Variants in CCDC85A observed in about 807,000 individuals in gnomAD.
CCDC85A encodes coiled-coil domain-containing protein 85A.
CCDC85A carries 38 observed loss-of-function variants against 50.2 expected under a neutral mutation model. The observed-to-expected ratio is 0.76, with a 90% CI of 0.58 to 0.99. The LOEUF (loss-of-function observed/expected upper bound fraction) is 0.99, where lower values mean the gene tolerates loss of function less well. Ranked by LOEUF, CCDC85A falls within the 50% of genes least tolerant of loss-of-function variation. CCDC85A has a pLI of 0.00. For missense variants in CCDC85A, 820 were observed against 742.0 expected, an observed-to-expected ratio of 1.11 and a Z score of -1.22; for synonymous variants, 366 against 301.4, an observed-to-expected ratio of 1.21 and a Z score of -2.22.
At chr2:56,288,731 AT>A (rs1558624578) in intron 2 of CCDC85A, among the ~76,000 whole-genome samples, 1 of 152,020 alleles carries the variant, frequency 6.6e-6, no homozygotes, top group Admixed American at 6.6e-5. Context: ...TTAAATCAAT[AT>A]TTTTTAAAAA....
At chr2:56,207,568 CT>C (rs1290604741) in intron 2 of CCDC85A, among the ~76,000 whole-genome samples, 15 of 152,178 alleles carry the variant, frequency 9.9e-5, no homozygotes, top group Non-Finnish European at 1.6e-4. Flanking sequence ...CTGATTTCAG[CT>C]GCAATTATAG....
rs1383326377 is a variant in CCDC85A, at chr2:56,385,736, A to G, written c.*1381A>G. The G allele has an allele frequency of 6.6e-6, 1 of 151,768 alleles. No homozygotes were observed. 9.4% of individuals were successfully genotyped at this position (151,768 alleles called of 1,614,324 possible). A position where few individuals can be genotyped will look rare whatever the true frequency, so the allele number is the denominator to read the frequency against. On this transcript the variant is annotated 3_prime_UTR_variant, in exon 6 of 6. Transcript: ENST00000407595. Reference sequence around the variant, plus strand: ...GTCACTAGTAGGAGACTGTGAAGGAATTTTGTTATACTTTCAAAAATGTTA... The same window carrying G: ...GTCACTAGTAGGAGACTGTGAAGGAGTTTTGTTATACTTTCAAAAATGTTA...
At chr2:56,185,339 G>C (rs1014834328) in intron 1 of CCDC85A, among the ~76,000 whole-genome samples, 2 of 152,182 alleles carry the variant, frequency 1.3e-5, no homozygotes, top group African/African-American at 4.8e-5. Context: ...GGCGGGCAGA[G>C]GGCGAGGAAA....
At chr2:56,316,532 T>C (rs1413746308) in intron 2 of CCDC85A, among the ~76,000 whole-genome samples, 1 of 152,168 alleles carries the variant, frequency 6.6e-6, no homozygotes, top group East Asian at 1.9e-4. Context: ...TCAATTCTTT[T>C]GAAGCCATTG....
At chr2:56,205,633 A>T (rs1676928074) in intron 2 of CCDC85A, among the ~76,000 whole-genome samples, 1 of 152,318 alleles carries the variant, frequency 6.6e-6, no homozygotes, top group Middle Eastern at 3.4e-3. Context: ...AGACTCATGG[A>T]TGTGAGTAGT....
chr2:56,270,721 A>C (rs754979443), intron 2 of CCDC85A, among the ~76,000 whole-genome samples: 1 of 152,162 alleles, frequency 6.6e-6, no homozygotes, highest in Admixed American at 6.5e-5. Flanking sequence ...TTGCGTGTGC[A>C]GTTGAAGGCT....
intron 2 of CCDC85A, among the ~76,000 whole-genome samples, chr2:56,294,131 A>C (rs1315747941): frequency 6.6e-6 from 1 of 152,200 alleles, no homozygotes; most frequent in Non-Finnish European, 1.5e-5. Context: ...GATCATGTCC[A>C]TTGCAGGGAC....
chr2:56,205,649 G>C (rs764231675), intron 2 of CCDC85A, among the ~76,000 whole-genome samples: 1 of 152,176 alleles, frequency 6.6e-6, no homozygotes. Context: ...GTAGTAGTAG[G>C]AAACCAAATT....
chr2:56,192,813 C>CGG lies in CCDC85A; in HGVS notation c.615_616dup (p.Asp206GlyfsTer106). The CGG allele has an allele frequency of 6.2e-7, 1 of 1,613,356 alleles. No homozygotes were observed. The highest frequency in any genetic ancestry group is 1.6e-4 in the Middle Eastern group (1 of 6,062). ...CACAGCCTCCACCGCACCCTACGTG[C>CGG]GGGATGTGGGTGACGGCAGCAGCAC... is the stretch of plus-strand genomic sequence containing the variant. On this transcript the variant is annotated frameshift_variant, in exon 2 of 6. Coordinates refer to ENST00000407595, the MANE Select transcript of CCDC85A (RefSeq NM_001080433.2). LOFTEE classifies it high-confidence loss of function. This position sits in a 1 kb window ranked among gnomAD's most constrained non-coding sequence, Gnocchi z 4.7.
chr2:56,278,595 A>G lies in CCDC85A; in HGVS notation c.1241-64284A>G, dbSNP rs1490329331. Among the ~76,000 whole-genome samples the G allele has an allele frequency of 1.3e-5, 2 of 151,882 alleles. 1 individual carries two copies. The highest frequency in any genetic ancestry group is 4.1e-4 in the South Asian group (2 of 4,824). On this transcript the variant is annotated intron_variant, in intron 2 of 5. Coordinates refer to ENST00000407595, the MANE Select transcript of CCDC85A (RefSeq NM_001080433.2). ...TTTTATTATTATTATTTTTTTGGAG[A>G]TGGAGTCTCTCTCTGTTGCCCAGGC...
At chr2:56,187,542 G>A (rs376389271) in intron 1 of CCDC85A, among the ~76,000 whole-genome samples, 17 of 152,174 alleles carry the variant, frequency 1.1e-4, no homozygotes, top group African/African-American at 3.6e-4. Flanking sequence ...TTGGCCAATT[G>A]TTAAACTCTC....
chr2:56,309,177 G>C (rs1672579543), intron 2 of CCDC85A, among the ~76,000 whole-genome samples: 1 of 152,174 alleles, frequency 6.6e-6, no homozygotes, highest in Admixed American at 6.6e-5. Context: ...CATCTATAGA[G>C]TAAAATTTCA....
At chr2:56,276,184 A>C (rs943938072) in intron 2 of CCDC85A, among the ~76,000 whole-genome samples, 1 of 152,118 alleles carries the variant, frequency 6.6e-6, no homozygotes, top group African/African-American at 2.4e-5. Flanking sequence ...GGAACTTCTG[A>C]GTATAGATAT....
At chr2:56,308,822 G>A (rs937115026) in intron 2 of CCDC85A, among the ~76,000 whole-genome samples, 1 of 152,154 alleles carries the variant, frequency 6.6e-6, no homozygotes, top group Non-Finnish European at 1.5e-5. Flanking sequence ...GACTGGCTTT[G>A]GAGTCACATA....
intron 2 of CCDC85A, among the ~76,000 whole-genome samples, chr2:56,211,447 C>G (rs568548438): frequency 1.0e-3 from 158 of 152,034 alleles, no homozygotes; most frequent in Admixed American, 1.7e-3. Context: ...CATTTGCTTG[C>G]TATTATTTTT....
chr2:56,323,271 T>G (rs1180429865), intron 2 of CCDC85A, among the ~76,000 whole-genome samples: 2 of 152,120 alleles, frequency 1.3e-5, no homozygotes, highest in Non-Finnish European at 2.9e-5. Context: ...TGTGCACATG[T>G]GCTCTAGAAC....
chr2:56,288,818 A>G (rs1671569783), intron 2 of CCDC85A, among the ~76,000 whole-genome samples: 1 of 152,216 alleles, frequency 6.6e-6, no homozygotes, highest in Admixed American at 6.5e-5. Flanking sequence ...TAGTCAGTGA[A>G]CCTTGAAAAT....
intron 3 of CCDC85A, among the ~76,000 whole-genome samples, chr2:56,362,220 CAT>C (rs1675562296): frequency 6.6e-6 from 1 of 152,018 alleles, no homozygotes; most frequent in African/African-American, 2.4e-5. Flanking sequence ...TCTCAGCAAT[CAT>C]ATGATTGGTG....
At chr2:56,208,603 A>G (rs2103871399) in intron 2 of CCDC85A, among the ~76,000 whole-genome samples, 1 of 152,270 alleles carries the variant, frequency 6.6e-6, no homozygotes, top group South Asian at 2.1e-4. Flanking sequence ...CTTGCCTGCC[A>G]TAGGGTCAAG....
Sources: allele counts gnomAD v4.1 joint callset (sites outside exome capture counted in the v4.1 genomes callset), GRCh38; gene constraint gnomAD v4.1.1; non-coding constraint Gnocchi (gnomAD v3.1); transcripts MANE v1.5; gene names NCBI Gene and HGNC (gene_info 2026-07-23, HGNC 2026-07-21).